The following GMCL1 variants were observed in gnomAD, a reference collection of about 807,000 sequenced individuals.
The protein encoded by GMCL1 is germ cell-less protein-like 1.
Under a neutral mutation model 75.5 loss-of-function variants are expected in GMCL1, and 54 were observed. That is an observed-to-expected ratio of 0.71 (90% CI 0.57 to 0.90). The LOEUF is 0.90. Ranked by LOEUF, GMCL1 falls within the 40% of genes least tolerant of loss-of-function variation. GMCL1 has a pLI of 0.00. For synonymous variants in GMCL1, 210 were observed against 209.6 expected (o/e 1.00, Z -0.02); for missense variants, 537 against 622.7 (o/e 0.86, Z 1.47).
rs1676230435 is a variant in GMCL1 at position 69,879,795 on chromosome 2, T to C, written c.*791T>C. On this transcript the variant is annotated 3_prime_UTR_variant, in exon 14 of 14. Coordinates refer to ENST00000282570, the MANE Select transcript of GMCL1 (RefSeq NM_178439.5). Reference sequence around the variant, plus strand: ...TCTTTTCTTTGACAGTCTGTACACCTTTATTATTAGGTTTTGAATTATTTA... The same window carrying C: ...TCTTTTCTTTGACAGTCTGTACACCCTTATTATTAGGTTTTGAATTATTTA... 1 of 152,208 alleles carries C rather than the reference T, an allele frequency of 6.6e-6. No individual in the cohort carries two copies. The highest frequency in any genetic ancestry group is 1.5e-5 in the Non-Finnish European group (1 of 68,020). The allele number at this position is 152,208 out of a possible 1,614,324, so 9.4% of individuals were successfully genotyped here. A position where few individuals can be genotyped will look rare whatever the true frequency, so the allele number is the denominator to read the frequency against.
At position 69,861,358 on chromosome 2, in the gene GMCL1, T is replaced by C; in HGVS notation, c.1142+11T>C. ...GGACAGTGAGGTGGGGTAAGTATAT[T>C]ATACCTTATCATTTTTCATTAAAAA... On this transcript the variant is annotated intron_variant, in intron 10 of 13. Coordinates refer to ENST00000282570, the MANE Select transcript of GMCL1 (RefSeq NM_178439.5). 5.8e-6 allele frequency: 9 copies of C among 1,543,642 alleles called. No homozygotes were observed. Among genetic ancestry groups the C allele is most frequent in the Non-Finnish European group, 7.9e-6 (9 of 1,135,860 alleles).
rs745907301 is a variant in GMCL1, at chr2:69,869,707, T to C, written c.1219-12T>C. 6.2e-6 allele frequency: 10 copies of C among 1,611,848 alleles called. No individual in the cohort carries two copies. The African/African-American group carries it at 1.2e-4, about 19-fold the overall frequency. On this transcript the variant is annotated splice_polypyrimidine_tract_variant and intron_variant, in intron 11 of 13. Transcript: ENST00000282570. ...ATAAACTGAAATAAGTCTTCTCTCT[T>C]GTATTTTTTAGTACTGCTGGCGTTG... is the stretch of plus-strand genomic sequence containing the variant.
chr2:69,856,053 A>G (rs1675458511), intron 9 of GMCL1, among the ~76,000 whole-genome samples: 1 of 152,188 alleles, frequency 6.6e-6, no homozygotes, highest in African/African-American at 2.4e-5. Flanking sequence ...GTTCAGTATA[A>G]AATCAGAAAG....
At chr2:69,844,275 G>A in intron 6 of GMCL1, 79 bp downstream of exon 6, 2 of 769,240 alleles carry the variant, frequency 2.6e-6, no homozygotes, top group Non-Finnish European at 4.2e-6. Flanking sequence ...TAACATTTTT[G>A]TAGAACACAA....
chr2:69,844,093 A>C, intron 5 of GMCL1, 38 bp from the exon 6 acceptor site: 4 of 965,028 alleles, frequency 4.1e-6, no homozygotes, highest in Non-Finnish European at 6.1e-6. Flanking sequence ...TTGTAAATAC[A>C]TGGCATATAA....
intron 13 of GMCL1, among the ~76,000 whole-genome samples, chr2:69,873,230 T>C (rs1331528050): frequency 6.6e-6 from 1 of 152,180 alleles, no homozygotes; most frequent in Non-Finnish European, 1.5e-5. Flanking sequence ...AGCAAGGGAA[T>C]ACATGGGTCA....
chr2:69,864,442 T>G (rs773015213), intron 10 of GMCL1, among the ~76,000 whole-genome samples: 2 of 152,078 alleles, frequency 1.3e-5, no homozygotes, highest in Non-Finnish European at 2.9e-5. Context: ...ACAGCCATTT[T>G]CTATTAATAT....
chr2:69,857,943 A>T (rs1047256599), intron 9 of GMCL1, among the ~76,000 whole-genome samples: 6 of 152,212 alleles, frequency 3.9e-5, no homozygotes, highest in African/African-American at 1.4e-4. Context: ...AAAGTTTGTG[A>T]ATGTAAGACA....
chr2:69,860,330 AT>A (rs1361731867), intron 9 of GMCL1, among the ~76,000 whole-genome samples: 2 of 152,158 alleles, frequency 1.3e-5, no homozygotes, highest in African/African-American at 4.8e-5. Context: ...AAAATAGCTA[AT>A]GTTTCCACTT....
At chr2:69,854,263 C>T (rs2103995197) in intron 8 of GMCL1, among the ~76,000 whole-genome samples, 1 of 152,078 alleles carries the variant, frequency 6.6e-6, no homozygotes, top group East Asian at 1.9e-4. Flanking sequence ...AATCTTTCCA[C>T]CTCAGCCTCC....
At chr2:69,841,725 G>A (rs1176257849) in intron 4 of GMCL1, among the ~76,000 whole-genome samples, 1 of 152,186 alleles carries the variant, frequency 6.6e-6, no homozygotes, top group Non-Finnish European at 1.5e-5. Flanking sequence ...GAAGGGAGTG[G>A]TCAGTTCATC....
chr2:69,871,151 A>C (rs750417247), intron 12 of GMCL1, among the ~76,000 whole-genome samples: 1 of 150,026 alleles, frequency 6.7e-6, no homozygotes, highest in Non-Finnish European at 1.5e-5. Flanking sequence ...CTAGAGAAAC[A>C]AAATGTGGTA....
chr2:69,861,181 A>G lies in GMCL1; in HGVS notation c.1073-97A>G, dbSNP rs565858415. ...TTTTAAATTGCTATTTTAAACTTGT[A>G]TTTAGAAATGGTAACAATTTTGTCA... On this transcript the variant is annotated intron_variant, in intron 9 of 13. Transcript: ENST00000282570. 68 of 889,900 alleles carry G rather than the reference A, an allele frequency of 7.6e-5. No individual in the cohort carries two copies. The African/African-American group carries it at 1.0e-3, about 13-fold the overall frequency. 55.1% of individuals were successfully genotyped at this position (889,900 alleles called of 1,614,324 possible). A position where few individuals can be genotyped will look rare whatever the true frequency, so the allele number is the denominator to read the frequency against.
At chr2:69,851,635 T>C (rs750749286) in intron 8 of GMCL1, among the ~76,000 whole-genome samples, 52 of 150,726 alleles carry the variant, frequency 3.4e-4, no homozygotes, top group Admixed American at 9.9e-4. Context: ...CAGGGCGTGG[T>C]GGCATGTACT....
Position 69,878,905 on chromosome 2 carries a change from A to G in GMCL1, c.1453-4A>G. On this transcript the variant is annotated splice_region_variant and splice_polypyrimidine_tract_variant and intron_variant, in intron 13 of 13. Coordinates refer to ENST00000282570, the MANE Select transcript of GMCL1 (RefSeq NM_178439.5). Reference sequence around the variant, plus strand: ...GTCATTGAATCTACAAATCTGTCTTATAGGAACAAGTGGTGATGAACTTGG... The same window carrying G: ...GTCATTGAATCTACAAATCTGTCTTGTAGGAACAAGTGGTGATGAACTTGG... 6.3e-7 allele frequency: 1 copy of G among 1,591,906 alleles called. No individual in the cohort carries two copies. The highest frequency in any genetic ancestry group is 8.6e-7 in the Non-Finnish European group (1 of 1,160,254).
At position 69,861,298 on chromosome 2, in the gene GMCL1, A is replaced by C; in HGVS notation, c.1093A>C (p.Lys365Gln). Residue 365 changes from lysine to glutamine, a missense_variant, in exon 10 of 14, where the codon AAA becomes CAA. By Grantham distance (53) the Lys-to-Gln change is moderately conservative (BLOSUM62 1). This residue lies in a region of GMCL1 where 345 missense variants were observed against 410.5 expected (regional missense o/e 0.84). Transcript: ENST00000282570. Reference sequence around the variant, plus strand: ...TTCAGAATGGCTCTCTTCTGTGTATAAACAGCAGTGGTTTGCTATGCTGCG... The same window carrying C: ...TTCAGAATGGCTCTCTTCTGTGTATCAACAGCAGTGGTTTGCTATGCTGCG... ...VPSEWLSSVYKQQWFAMLRAE... is the reference protein window; with the variant it reads ...VPSEWLSSVYQQQWFAMLRAE... 1 of 1,608,180 alleles carries C rather than the reference A, an allele frequency of 6.2e-7. No homozygotes were observed. The highest frequency in any genetic ancestry group is 8.5e-7 in the Non-Finnish European group (1 of 1,175,410).
intron 13 of GMCL1, among the ~76,000 whole-genome samples, chr2:69,874,700 T>C (rs547161262): frequency 1.8e-3 from 278 of 152,204 alleles, no homozygotes; most frequent in African/African-American, 6.2e-3. Flanking sequence ...TTTTAACAGC[T>C]TTTATATATT....
At chr2:69,830,751 C>T (rs1558534306) in intron 1 of GMCL1, among the ~76,000 whole-genome samples, 3 of 137,354 alleles carry the variant, frequency 2.2e-5, no homozygotes, top group African/African-American at 9.2e-5. Context: ...GCTGCTGCAG[C>T]TTGTTTAACC....
At chr2:69,860,483 G>A (rs763871577) in intron 9 of GMCL1, among the ~76,000 whole-genome samples, 4 of 151,924 alleles carry the variant, frequency 2.6e-5, no homozygotes, top group Non-Finnish European at 4.4e-5. Context: ...TATTGAGTGT[G>A]CATGTTTCAT....
Sources: gnomAD v4.1 joint callset for allele counts (sites outside exome capture counted in the v4.1 genomes callset) on GRCh38, gnomAD v4.1.1 for gene constraint, gnomAD v4.1.1 regional missense constraint, MANE v1.5 for transcripts, NCBI Gene and HGNC (gene_info 2026-07-23, HGNC 2026-07-21) for gene names.